The following WNT3A variants were observed in gnomAD, a reference collection of about 807,000 sequenced individuals.
WNT3A encodes Wnt family member 3A, also known as protein Wnt-3a.
A neutral mutation model predicts 37.0 loss-of-function variants in WNT3A; 17 were observed. That is an observed-to-expected ratio of 0.46 (90% confidence interval 0.31 to 0.69). The LOEUF is 0.69. Among genes scored for constraint, WNT3A ranks in the 30% least tolerant of loss-of-function variants. The pLI, the probability that WNT3A is intolerant of heterozygous loss-of-function variation, is 0.05. For missense variants in WNT3A, 411 were observed against 510.2 expected (o/e 0.81, Z 1.87); for synonymous variants, 187 against 211.0 (o/e 0.89, Z 0.99).
At chr1:228,046,604 T>A (rs2031413560) in intron 2 of WNT3A, among the ~76,000 whole-genome samples, 1 of 151,708 alleles carries the variant, frequency 6.6e-6, no homozygotes, top group South Asian at 2.1e-4. Context: ...GGTATGTGCA[T>A]GCATGTGTGT....
rs754396851 is a variant in WNT3A, at chr1:228,007,242, C to T, written c.71+43C>T. The T allele has an allele frequency of 1.7e-5, 27 of 1,568,860 alleles. No individual in the cohort carries two copies. The highest frequency in any genetic ancestry group is 2.3e-5 in the Non-Finnish European group (27 of 1,155,700). On this transcript the variant is annotated intron_variant, in intron 1 of 3. Transcript: ENST00000284523. The surrounding 1 kb of genome is among the most constrained non-coding windows in gnomAD (Gnocchi z 6.0). ...CGTTCGCCCCTGCCCCTGTGCGCCG[C>T]GCCCGCAGCAGACGGTCCCCTCGGG...
chr1:228,059,163 G>C lies in WNT3A; in HGVS notation c.757G>C (p.Val253Leu), dbSNP rs762526284. ...GAAGCACCGGGAGTCCCGCGGCTGGGTGGAGACCCTGCGGCCGCGCTACAC... is the reference window on the plus strand; with the variant it reads ...GAAGCACCGGGAGTCCCGCGGCTGGCTGGAGACCCTGCGGCCGCGCTACAC... The part of the protein sequence containing the change: ...VEKHRESRGW[V>L]ETLRPRYTYF... The change falls in exon 4 of 4, where the codon GTG becomes CTG. Residue 253 changes from valine (V) to leucine (L), a missense_variant. Physicochemically the swap from Val to Leu is conservative, Grantham distance 32. Coordinates refer to ENST00000284523, the MANE Select transcript of WNT3A (RefSeq NM_033131.4). 6.2e-7 allele frequency: 1 copy of C among 1,613,462 alleles called. No homozygotes were observed.
rs1394201325 is a variant in WNT3A, at chr1:228,059,316, A to G, written c.910A>G (p.Ile304Val). 6.3e-7 allele frequency: 1 copy of G among 1,577,938 alleles called. No homozygotes were observed. Among genetic ancestry groups the G allele is most frequent in the Admixed American group, 1.8e-5 (1 of 55,988 alleles). ...DRTCNVSSHG[I>V]DGCDLLCCGR... ...CACCTGCAACGTCAGCTCGCACGGC[A>G]TCGACGGCTGCGACCTGCTGTGCTG... Residue 304 changes from isoleucine (I) to valine (V), a missense_variant, in exon 4 of 4, where the codon ATC becomes GTC. Coordinates refer to ENST00000284523, the MANE Select transcript of WNT3A (RefSeq NM_033131.4).
chr1:228,029,406 G>A (rs912494345), intron 2 of WNT3A, among the ~76,000 whole-genome samples: 5 of 152,138 alleles, frequency 3.3e-5, no homozygotes, highest in Admixed American at 6.5e-5. Flanking sequence ...CGGCAGAGGC[G>A]GGGCCCAGGG....
At chr1:228,016,271 T>C (rs2030530488) in intron 1 of WNT3A, among the ~76,000 whole-genome samples, 1 of 152,042 alleles carries the variant, frequency 6.6e-6, no homozygotes, top group African/African-American at 2.4e-5. Flanking sequence ...GCCATAGAAG[T>C]TTCCCCGTCA....
At chr1:228,012,636 G>C (rs541962770) in intron 1 of WNT3A, among the ~76,000 whole-genome samples, 21 of 152,122 alleles carry the variant, frequency 1.4e-4, no homozygotes, top group Non-Finnish European at 2.4e-4. Context: ...TTGAAGGGCT[G>C]GTTGCTGTTT....
At position 228,037,125 on chromosome 1, in the gene WNT3A, T is replaced by A. The variant is rs1041734850; in HGVS notation, c.314-13531T>A. Among the ~76,000 whole-genome samples the A allele has an allele frequency of 6.6e-6, 1 of 152,066 alleles. No individual in the cohort carries two copies. The highest frequency in any genetic ancestry group is 2.4e-5 in the African/African-American group (1 of 41,412). On this transcript the variant is annotated intron_variant, in intron 2 of 3. Transcript: ENST00000284523. This position sits in a 1 kb window ranked among gnomAD's most constrained non-coding sequence, Gnocchi z 4.1. ...TAAGTGTGCTTCCCACAACTCCCAG[T>A]GGACACTTCCCAGAGCCCTGGGGTT...
rs887486842 is a variant in WNT3A at position 228,008,853 on chromosome 1, T to G, written c.71+1654T>G. ...TTGTCGGCCCTGAGGGTTCCTAGCC[T>G]CGGTCCCCATCCACCTCATATGCAT... On this transcript the variant is annotated intron_variant, in intron 1 of 3. Coordinates refer to ENST00000284523, the MANE Select transcript of WNT3A (RefSeq NM_033131.4). This position sits in a 1 kb window ranked among gnomAD's most constrained non-coding sequence, Gnocchi z 4.9. Among the ~76,000 whole-genome samples, 16 of 152,158 alleles carry G rather than the reference T, an allele frequency of 1.1e-4. No individual in the cohort carries two copies. Among genetic ancestry groups the G allele is most frequent in the Non-Finnish European group, 1.8e-4 (12 of 68,010 alleles).
At chr1:228,035,813 C>T (rs1042067185) in intron 2 of WNT3A, among the ~76,000 whole-genome samples, 9 of 152,180 alleles carry the variant, frequency 5.9e-5, no homozygotes, top group Admixed American at 1.3e-4. Flanking sequence ...CCCCTCCCAT[C>T]CCACTTACCT....
rs1026635560 is a variant in WNT3A, at chr1:228,042,267, G to A, written c.314-8389G>A. Among the ~76,000 whole-genome samples, 4 of 152,124 alleles carry A rather than the reference G, an allele frequency of 2.6e-5. No individual in the cohort carries two copies. The highest frequency in any genetic ancestry group is 2.1e-4 in the South Asian group (1 of 4,826). On this transcript the variant is annotated intron_variant, in intron 2 of 3. Coordinates refer to ENST00000284523, the MANE Select transcript of WNT3A (RefSeq NM_033131.4). The surrounding 1 kb of genome is among the most constrained non-coding windows in gnomAD (Gnocchi z 5.2). Reference sequence around the variant, plus strand: ...GCTGGGATTACAGCTGTGAGCCACCGCGCCCAGCCTCTGGAGGATTTTTTT... The same window carrying A: ...GCTGGGATTACAGCTGTGAGCCACCACGCCCAGCCTCTGGAGGATTTTTTT...
In WNT3A at chr1:228,050,672, C is replaced by T. The variant is rs552246932; in HGVS notation, c.330C>T (p.Ala110=). The stretch of plus-strand genomic sequence containing the variant: ...TCTCTACAGCTACCAGGGAGTCGGC[C>T]TTTGTCCACGCCATTGCCTCAGCCG... The part of the protein sequence containing the change: ...PVLDKATRES[A]FVHAIASAGV... The change falls in exon 3 of 4, where the codon GCC becomes GCT. Residue 110 remains alanine, a synonymous_variant. Transcript: ENST00000284523. This position sits in a 1 kb window ranked among gnomAD's most constrained non-coding sequence, Gnocchi z 5.0. 2 of 1,605,572 alleles carry T rather than the reference C, an allele frequency of 1.2e-6. No individual in the cohort carries two copies. Among genetic ancestry groups the T allele is most frequent in the Non-Finnish European group, 1.7e-6 (2 of 1,174,202 alleles).
At chr1:228,052,065 C>T (rs762936859) in intron 3 of WNT3A, among the ~76,000 whole-genome samples, 3 of 152,154 alleles carry the variant, frequency 2.0e-5, no homozygotes, top group Admixed American at 6.5e-5. Context: ...GTATCAGGCA[C>T]GAATCCCATT....
At position 228,035,578 on chromosome 1, in the gene WNT3A, C is replaced by T. The variant is rs35028022; in HGVS notation, c.313+12670C>T. ...ACCCGGTCCCCATGTGTGCATCCCT[C>T]CGGGCAGGGCGGGGATGGATCTGAG... On this transcript the variant is annotated intron_variant, in intron 2 of 3. Transcript: ENST00000284523. 8.9e-3 allele frequency among the ~76,000 whole-genome samples: 1,349 copies of T among 152,330 alleles called. 10 individuals carry two copies. Among genetic ancestry groups the T allele is most frequent in the Non-Finnish European group, 0.014 (948 of 68,024 alleles).
chr1:228,048,502 A>G (rs1447497043), intron 2 of WNT3A, among the ~76,000 whole-genome samples: 1 of 152,236 alleles, frequency 6.6e-6, no homozygotes, highest in Non-Finnish European at 1.5e-5. Context: ...AATGCTTGGC[A>G]AACAGCAGGC....
chr1:228,008,240 C>T lies in WNT3A; in HGVS notation c.71+1041C>T, dbSNP rs2030261911. ...CCGGGCGCAGCGCTGGTAGGACCCA[C>T]AGTTGGAGAGAAGCCTCCCCACAAG... On this transcript the variant is annotated intron_variant, in intron 1 of 3. Transcript: ENST00000284523. The surrounding 1 kb of genome is among the most constrained non-coding windows in gnomAD (Gnocchi z 4.9). Among the ~76,000 whole-genome samples, 1 of 152,258 alleles carries T rather than the reference C, an allele frequency of 6.6e-6. No individual in the cohort carries two copies. Among genetic ancestry groups the T allele is most frequent in the East Asian group, 1.9e-4 (1 of 5,160 alleles).
At chr1:228,053,148 T>A (rs1269439689) in intron 3 of WNT3A, among the ~76,000 whole-genome samples, 1 of 152,188 alleles carries the variant, frequency 6.6e-6, no homozygotes, top group Non-Finnish European at 1.5e-5. Flanking sequence ...TGGAAGCAGA[T>A]AAACCAAGCC....
chr1:228,019,269 G>A (rs534006195), intron 1 of WNT3A, among the ~76,000 whole-genome samples: 74 of 152,338 alleles, frequency 4.9e-4, no homozygotes, highest in Non-Finnish European at 8.2e-4. Flanking sequence ...GCTCCATGCT[G>A]GTCATAGTGT....
At chr1:228,057,081 T>C (rs2031697379) in intron 3 of WNT3A, among the ~76,000 whole-genome samples, 1 of 152,178 alleles carries the variant, frequency 6.6e-6, no homozygotes, top group East Asian at 1.9e-4. Flanking sequence ...AATATGTAGA[T>C]AAGTAAGGGA....
chr1:228,041,898 T>C (rs918492990), intron 2 of WNT3A, among the ~76,000 whole-genome samples: 2 of 152,204 alleles, frequency 1.3e-5, no homozygotes, highest in African/African-American at 4.8e-5. Context: ...TGTTTTATTA[T>C]CACCAGGACA....
Sources: gnomAD v4.1 joint callset for allele counts (sites outside exome capture counted in the v4.1 genomes callset) on GRCh38, gnomAD v4.1.1 for gene constraint, Gnocchi (gnomAD v3.1) non-coding constraint, MANE v1.5 for transcripts, NCBI Gene and HGNC (gene_info 2026-07-23, HGNC 2026-07-21) for gene names.